The following VAT1L variants were observed in gnomAD, a reference collection of about 807,000 sequenced individuals.
The protein encoded by VAT1L is vesicle amine transport 1 like, also known as putative NADPH-dependent quinone oxidoreductase VAT1L.
Under a neutral mutation model 44.1 loss-of-function variants are expected in VAT1L, and 34 were observed. The ratio of observed to expected loss-of-function variants is 0.77; its 90% CI spans 0.59 to 1.03. The LOEUF is 1.03. VAT1L is among the 50% of genes least tolerant of loss of function. The probability of loss-of-function intolerance (pLI) is 0.00; values close to 1 mark genes in which losing one functional copy is unlikely to be tolerated. For missense variants in VAT1L, 615 were observed against 538.8 expected, an observed-to-expected ratio of 1.14 and a Z score of -1.40; for synonymous variants, 253 against 202.2, an observed-to-expected ratio of 1.25 and a Z score of -2.13.
intron 7 of VAT1L, among the ~76,000 whole-genome samples, chr16:77,926,589 A>C (rs2017671841): frequency 6.6e-6 from 1 of 152,242 alleles, no homozygotes; most frequent in Non-Finnish European, 1.5e-5. Flanking sequence ...TCTCAAAAAA[A>C]GTAGAAGTAG....
At chr16:77,844,869 T>A (rs1410789960) in intron 3 of VAT1L, among the ~76,000 whole-genome samples, 1 of 151,898 alleles carries the variant, frequency 6.6e-6, no homozygotes, top group Non-Finnish European at 1.5e-5. Flanking sequence ...TGTATATATA[T>A]ATATGAAAGG....
At chr16:77,916,660 A>G (rs1045681757) in intron 7 of VAT1L, among the ~76,000 whole-genome samples, 1 of 152,060 alleles carries the variant, frequency 6.6e-6, no homozygotes, top group Non-Finnish European at 1.5e-5. Flanking sequence ...GTAAATTGTT[A>G]TTTTGTTATT....
At position 77,847,573 on chromosome 16, in the gene VAT1L, C is replaced by T. The variant is rs937273512; in HGVS notation, c.580-15175C>T. Reference sequence around the variant, plus strand: ...GATAGAGCTCAAAAATGCAGTGTGACGTGCAATACCACTTGCTGTGAGTAC... The same window carrying T: ...GATAGAGCTCAAAAATGCAGTGTGATGTGCAATACCACTTGCTGTGAGTAC... On this transcript the variant is annotated intron_variant, in intron 3 of 8. Coordinates refer to ENST00000302536, the MANE Select transcript of VAT1L (RefSeq NM_020927.3). 1.1e-4 allele frequency among the ~76,000 whole-genome samples: 16 copies of T among 152,292 alleles called. No individual in the cohort carries two copies. The South Asian group carries it at 2.3e-3, about 22-fold the overall frequency.
intron 7 of VAT1L, among the ~76,000 whole-genome samples, chr16:77,937,484 T>TC (rs2017816141): frequency 1.4e-5 from 2 of 147,094 alleles, no homozygotes. Flanking sequence ...CCAAGAGACT[T>TC]TCCCCCACTA....
intron 3 of VAT1L, among the ~76,000 whole-genome samples, chr16:77,860,919 C>A (rs1009470863): frequency 6.6e-6 from 1 of 152,158 alleles, no homozygotes; most frequent in Non-Finnish European, 1.5e-5. Context: ...AATAAGTAGA[C>A]AGCATAACAA....
intron 7 of VAT1L, among the ~76,000 whole-genome samples, chr16:77,929,054 A>G (rs892551227): frequency 1.3e-5 from 2 of 152,092 alleles, no homozygotes; most frequent in Non-Finnish European, 2.9e-5. Flanking sequence ...TGACCTCGTG[A>G]TCCGCCCCCT....
chr16:77,806,157 C>T (rs1353982782), intron 1 of VAT1L, among the ~76,000 whole-genome samples: 1 of 151,646 alleles, frequency 6.6e-6, no homozygotes, highest in African/African-American at 2.4e-5. Flanking sequence ...GCCACAGCAC[C>T]CAGCCTCTGC....
chr16:77,826,052 A>T (rs1435329312), intron 3 of VAT1L, among the ~76,000 whole-genome samples: 7 of 126,162 alleles, frequency 5.5e-5, no homozygotes, highest in South Asian at 5.4e-4. Context: ...AAAAAAAAGA[A>T]AGAAATTAGC....
At chr16:77,889,292 T>G (rs182213415) in intron 7 of VAT1L, among the ~76,000 whole-genome samples, 3 of 152,202 alleles carry the variant, frequency 2.0e-5, no homozygotes, top group African/African-American at 7.2e-5. Context: ...GTCTTTGACT[T>G]TATTGTAAAT....
intron 7 of VAT1L, among the ~76,000 whole-genome samples, chr16:77,952,440 C>A (rs1291998968): frequency 6.6e-6 from 1 of 152,012 alleles, no homozygotes; most frequent in African/African-American, 2.4e-5. Context: ...TTGTGGGGCC[C>A]CTCCTCCCTG....
intron 3 of VAT1L, among the ~76,000 whole-genome samples, chr16:77,852,404 G>A (rs11645164): frequency 0.059 from 8,914 of 152,276 alleles, 340 homozygotes; most frequent in African/African-American, 0.1. Flanking sequence ...CAGGCGTCTC[G>A]GGCACTGGCT....
intron 7 of VAT1L, among the ~76,000 whole-genome samples, chr16:77,943,380 C>CTTTTTTTTTTTT (rs773527946): frequency 7.9e-6 from 1 of 125,874 alleles, no homozygotes; most frequent in African/African-American, 3.0e-5. Flanking sequence ...CTTTTTCTTT[C>CTTTTTTTTTTTT]TTTTTTTTTT....
intron 1 of VAT1L, among the ~76,000 whole-genome samples, chr16:77,796,038 C>G (rs183827958): frequency 1.3e-5 from 2 of 152,100 alleles, no homozygotes; most frequent in East Asian, 3.9e-4. Flanking sequence ...GTTGGCCAGG[C>G]TGGTCTCGAA....
In VAT1L at chr16:77,807,241, A is replaced by G. The variant is rs190040310; in HGVS notation, c.234-9680A>G. 7.9e-5 allele frequency among the ~76,000 whole-genome samples: 12 copies of G among 152,234 alleles called. No homozygotes were observed. In the East Asian group the frequency reaches 2.1e-3, roughly 27 times the overall value. ...AGCTAGTGTGCACCACCCCTAAAGC[A>G]TCCTTTTAGAATCTCAGTGCTCACT... On this transcript the variant is annotated intron_variant, in intron 1 of 8. Transcript: ENST00000302536.
At chr16:77,789,212 T>C (rs2145198813) in intron 1 of VAT1L, among the ~76,000 whole-genome samples, 1 of 152,274 alleles carries the variant, frequency 6.6e-6, no homozygotes, top group Admixed American at 6.5e-5. Flanking sequence ...GTTCTCCGTC[T>C]GAGAGGACAA....
At chr16:77,806,667 C>T (rs934662983) in intron 1 of VAT1L, among the ~76,000 whole-genome samples, 1 of 152,204 alleles carries the variant, frequency 6.6e-6, no homozygotes, top group South Asian at 2.1e-4. Context: ...TTCTAATCTT[C>T]ACTTCCTTTT....
intron 1 of VAT1L, among the ~76,000 whole-genome samples, chr16:77,790,749 G>A (rs973711437): frequency 6.6e-6 from 1 of 152,136 alleles, no homozygotes; most frequent in African/African-American, 2.4e-5. Context: ...TATTCAGAGA[G>A]GGAAAATGAT....
At chr16:77,933,935 G>A (rs963060433) in intron 7 of VAT1L, among the ~76,000 whole-genome samples, 1 of 152,194 alleles carries the variant, frequency 6.6e-6, no homozygotes, top group African/African-American at 2.4e-5. Context: ...GCCATGATGG[G>A]AAGAAACCCA....
intron 7 of VAT1L, among the ~76,000 whole-genome samples, chr16:77,965,905 C>T (rs1041527708): frequency 6.6e-6 from 1 of 152,130 alleles, no homozygotes; most frequent in South Asian, 2.1e-4. Flanking sequence ...CACCATTGTC[C>T]TGCCCATATA....
Sources: gnomAD v4.1 joint callset for allele counts (sites outside exome capture counted in the v4.1 genomes callset) on GRCh38, gnomAD v4.1.1 for gene constraint, MANE v1.5 for transcripts, NCBI Gene and HGNC (gene_info 2026-07-23, HGNC 2026-07-21) for gene names.